Variants in PTPA observed in about 807,000 individuals in gnomAD.
The protein encoded by PTPA is protein phosphatase 2 phosphatase activator, also known as serine/threonine-protein phosphatase 2A activator.
A neutral mutation model predicts 43.6 loss-of-function variants in PTPA; 13 were observed. The ratio of observed to expected loss-of-function variants is 0.30; its 90% CI spans 0.19 to 0.47. The LOEUF (loss-of-function observed/expected upper bound fraction) is 0.47, where lower values mean the gene tolerates loss of function less well. PTPA is among the 20% of genes least tolerant of loss of function. The pLI, the probability that PTPA is intolerant of heterozygous loss-of-function variation, is 0.99. For missense variants in PTPA, 329 were observed against 411.9 expected (o/e 0.80, Z 1.74); for synonymous variants, 172 against 158.2 (o/e 1.09, Z -0.66).
intron 9 of PTPA, among the ~76,000 whole-genome samples, chr9:129,146,883 G>A (rs1418913741): frequency 1.3e-5 from 2 of 152,240 alleles, no homozygotes; most frequent in African/African-American, 4.8e-5. Flanking sequence ...CCAGGGGTGG[G>A]GGGAACTCAG....
chr9:129,145,795 A>G (rs959525256), intron 9 of PTPA, among the ~76,000 whole-genome samples: 2 of 152,148 alleles, frequency 1.3e-5, no homozygotes, highest in Middle Eastern at 3.2e-3. Flanking sequence ...GGACCTTGTC[A>G]GGACCCAGGG....
intron 2 of PTPA, among the ~76,000 whole-genome samples, chr9:129,121,836 C>G (rs1421344528): frequency 6.6e-6 from 1 of 152,192 alleles, no homozygotes; most frequent in African/African-American, 2.4e-5. Flanking sequence ...TAGCTGCAGT[C>G]AGGACAGGGG....
At chr9:129,136,057 T>G (rs555203841) in intron 6 of PTPA, among the ~76,000 whole-genome samples, 51 of 152,086 alleles carry the variant, frequency 3.4e-4, no homozygotes, top group Admixed American at 5.9e-4. Flanking sequence ...AAGCTCTGCC[T>G]CCTGGGTTCA....
intron 5 of PTPA, among the ~76,000 whole-genome samples, chr9:129,132,073 C>A (rs1018074296): frequency 1.3e-5 from 2 of 152,150 alleles, no homozygotes; most frequent in Non-Finnish European, 2.9e-5. Flanking sequence ...CCCCTTGTCT[C>A]TTAGCCACAT....
In PTPA at chr9:129,147,560, C is replaced by T. The variant is rs1486564745; in HGVS notation, c.*96C>T. ...CTCCCCATCCCCTCCCTCTGTTCGT[C>T]CCGTTTGATGAGAGGCTGTTTACTG... On this transcript the variant is annotated 3_prime_UTR_variant, in exon 10 of 10. Coordinates refer to ENST00000393370, the MANE Select transcript of PTPA (RefSeq NM_178000.3). 6.1e-6 allele frequency: 8 copies of T among 1,315,790 alleles called. No individual in the cohort carries two copies. The East Asian group carries it at 1.4e-4, about 24-fold the overall frequency. 81.5% of individuals were successfully genotyped at this position (1,315,790 alleles called of 1,614,324 possible).
At chr9:129,145,193 T>C (rs1225473924) in intron 9 of PTPA, among the ~76,000 whole-genome samples, 3 of 151,872 alleles carry the variant, frequency 2.0e-5, no homozygotes, top group Non-Finnish European at 4.4e-5. Context: ...TAGCCTGGCA[T>C]CGTGGTGCGC....
At chr9:129,118,430 G>A (rs1217791014) in intron 1 of PTPA, among the ~76,000 whole-genome samples, 1 of 149,686 alleles carries the variant, frequency 6.7e-6, no homozygotes, top group Non-Finnish European at 1.5e-5. Context: ...GCTGGAGTGC[G>A]ATGGCACGAT....
intron 1 of PTPA, among the ~76,000 whole-genome samples, chr9:129,117,330 A>G (rs550035394): frequency 2.0e-5 from 3 of 152,182 alleles, no homozygotes; most frequent in African/African-American, 7.2e-5. Context: ...TATAGGCGGG[A>G]GGCACTGTGC....
At chr9:129,118,418 A>T (rs1849035603) in intron 1 of PTPA, among the ~76,000 whole-genome samples, 1 of 151,086 alleles carries the variant, frequency 6.6e-6, no homozygotes, top group African/African-American at 2.4e-5. Context: ...CTTGTTGCCT[A>T]GGCTGGAGTG....
chr9:129,111,695 A>T (rs1049684836), intron 1 of PTPA, 64 bp downstream of exon 1: 2 of 1,250,332 alleles, frequency 1.6e-6, no homozygotes, highest in Non-Finnish European at 2.0e-6. Flanking sequence ...CAGGTGTGGG[A>T]GGCTCAGGAG....
In PTPA at chr9:129,124,909, G is replaced by A. The variant is rs530516279; in HGVS notation, c.216+1771G>A. Among the ~76,000 whole-genome samples, 7 of 152,342 alleles carry A rather than the reference G, an allele frequency of 4.6e-5. No individual in the cohort carries two copies. In the South Asian group the frequency reaches 1.0e-3, roughly 23 times the overall value. ...GGCAGAGCTGCCTATTGCTGGGCCT[G>A]TCTGGCTATTAGGTGACCTAGGTCC... On this transcript the variant is annotated intron_variant, in intron 3 of 9. Coordinates refer to ENST00000393370, the MANE Select transcript of PTPA (RefSeq NM_178000.3).
At chr9:129,146,097 G>A (rs1851281513) in intron 9 of PTPA, among the ~76,000 whole-genome samples, 1 of 150,194 alleles carries the variant, frequency 6.7e-6, no homozygotes, top group Non-Finnish European at 1.5e-5. Flanking sequence ...TGGAATTCCA[G>A]GGCCCTTGGG....
intron 1 of PTPA, among the ~76,000 whole-genome samples, chr9:129,120,294 C>T (rs149599242): frequency 2.0e-5 from 3 of 150,112 alleles, no homozygotes; most frequent in Middle Eastern, 3.4e-3. Flanking sequence ...TGTGGTGGCA[C>T]GTGCCTGTAA....
intron 5 of PTPA, among the ~76,000 whole-genome samples, chr9:129,133,361 G>A (rs929551266): frequency 3.3e-5 from 5 of 152,202 alleles, no homozygotes; most frequent in Admixed American, 2.0e-4. Flanking sequence ...GGTCAGCAGG[G>A]GTTGGTGCCC....
intron 1 of PTPA, among the ~76,000 whole-genome samples, chr9:129,113,712 G>A (rs1161022713): frequency 2.5e-4 from 38 of 152,128 alleles, no homozygotes; most frequent in Admixed American, 2.5e-3. Flanking sequence ...GGAGGTTGCA[G>A]TGAGCCGAGA....
At chr9:129,143,472 A>T in intron 9 of PTPA, 2 of 702,458 alleles carry the variant, frequency 2.8e-6, no homozygotes, top group Non-Finnish European at 5.2e-6. Flanking sequence ...GGGCTGCTCC[A>T]GGTCTTCATT....
chr9:129,138,838 A>G (rs765437240), intron 8 of PTPA, among the ~76,000 whole-genome samples: 1 of 152,218 alleles, frequency 6.6e-6, no homozygotes, highest in Non-Finnish European at 1.5e-5. Flanking sequence ...CAAGTCAGCA[A>G]ATGGAGCCGG....
intron 9 of PTPA, among the ~76,000 whole-genome samples, chr9:129,146,073 C>T (rs1405512271): frequency 6.6e-6 from 1 of 150,610 alleles, no homozygotes; most frequent in African/African-American, 2.4e-5. Context: ...GGGAGGTTGA[C>T]CTTTGACCCC....
intron 5 of PTPA, among the ~76,000 whole-genome samples, chr9:129,131,859 G>A (rs1456483427): frequency 2.0e-5 from 3 of 152,174 alleles, no homozygotes; most frequent in Non-Finnish European, 4.4e-5. Context: ...TGGTCCACCA[G>A]GGGGAGCTGA....
Sources: gnomAD v4.1 joint callset for allele counts (sites outside exome capture counted in the v4.1 genomes callset) on GRCh38, gnomAD v4.1.1 for gene constraint, MANE v1.5 for transcripts, NCBI Gene and HGNC (gene_info 2026-07-23, HGNC 2026-07-21) for gene names.